EMP2: variants seen among roughly 807,000 people sequenced by gnomAD.
EMP2 encodes epithelial membrane protein 2.
EMP2 carries 19 observed loss-of-function variants against 13.7 expected under a neutral mutation model. The observed-to-expected ratio is 1.38, with a 90% CI of 0.97 to 2.03. EMP2 has a LOEUF of 2.03. Among genes scored for constraint, EMP2 ranks in the 30% most tolerant of loss-of-function variants. The probability of loss-of-function intolerance (pLI) is 0.00; values close to 1 mark genes in which losing one functional copy is unlikely to be tolerated. For synonymous variants in EMP2, 97 were observed against 84.7 expected (o/e 1.15, Z -0.80); for missense variants, 253 against 220.7 (o/e 1.15, Z -0.93).
intron 1 of EMP2, among the ~76,000 whole-genome samples, chr16:10,563,932 G>A (rs2050890043): frequency 6.6e-6 from 1 of 152,234 alleles, no homozygotes. Context: ...CACCCAGGAG[G>A]GTTCTTGGCT....
intron 1 of EMP2, among the ~76,000 whole-genome samples, chr16:10,563,437 C>G (rs34518267): frequency 6.6e-6 from 1 of 152,152 alleles, no homozygotes; most frequent in Non-Finnish European, 1.5e-5. Flanking sequence ...AATGATCCAC[C>G]TGCCTTGGTC....
chr16:10,547,247 T>C lies in EMP2; in HGVS notation c.78+293A>G, dbSNP rs554923650. On this transcript the variant is annotated intron_variant, in intron 2 of 4. Coordinates refer to ENST00000359543, the MANE Select transcript of EMP2 (RefSeq NM_001424.6). ...TCATGGGAGCAAGTTTATCCCATAC[T>C]GTTCTTGTGGTAGTGAATAAGTCTC... 1.0e-4 allele frequency: 30 copies of C among 289,324 alleles called. No individual in the cohort carries two copies. The South Asian group carries it at 2.1e-3, about 20-fold the overall frequency. The allele number at this position is 289,324 out of a possible 1,614,324, so 17.9% of individuals were successfully genotyped here.
At chr16:10,546,701 T>A (rs2050742074) in intron 2 of EMP2, 1 of 152,234 alleles carries the variant, frequency 6.6e-6, no homozygotes, top group Admixed American at 6.5e-5. Context: ...TGTCTGAAGA[T>A]ATTTTGGATT....
intron 1 of EMP2, among the ~76,000 whole-genome samples, chr16:10,578,535 C>A (rs988030284): frequency 6.6e-6 from 1 of 152,178 alleles, no homozygotes; most frequent in Admixed American, 6.5e-5. Context: ...CCAGCCAGAG[C>A]GGGTGCACCC....
intron 1 of EMP2, among the ~76,000 whole-genome samples, chr16:10,548,424 C>T (rs1366709737): frequency 2.0e-5 from 3 of 152,214 alleles, no homozygotes; most frequent in Non-Finnish European, 2.9e-5. Flanking sequence ...GGCATGGTGG[C>T]TCACGCCTGT....
chr16:10,540,507 A>AAAATAAATAAATAAATAAATAAATAAAT (rs112860854), intron 3 of EMP2, among the ~76,000 whole-genome samples: 14 of 147,398 alleles, frequency 9.5e-5, no homozygotes, highest in South Asian at 4.4e-4. Context: ...CTCTGTCTCA[A>AAAATAAATAAATAAATAAATAAATAAAT]AAATAAATAA....
intron 1 of EMP2, among the ~76,000 whole-genome samples, chr16:10,577,514 C>CA (rs1256433286): frequency 6.6e-6 from 1 of 152,198 alleles, no homozygotes; most frequent in Non-Finnish European, 1.5e-5. Flanking sequence ...AGCCAGGCTT[C>CA]ACCACTCCTG....
At chr16:10,562,445 G>C (rs2050879477) in intron 1 of EMP2, among the ~76,000 whole-genome samples, 1 of 149,522 alleles carries the variant, frequency 6.7e-6, no homozygotes, top group South Asian at 2.1e-4. Context: ...GCCCAGGCTG[G>C]CTTGCTGGAA....
chr16:10,538,567 C>T (rs1413723241), intron 3 of EMP2, among the ~76,000 whole-genome samples: 2 of 152,136 alleles, frequency 1.3e-5, no homozygotes, highest in East Asian at 3.9e-4. Context: ...GGCTGATCTT[C>T]ACGGTCACTA....
chr16:10,541,606 C>A (rs973939383), intron 3 of EMP2, among the ~76,000 whole-genome samples: 3 of 152,182 alleles, frequency 2.0e-5, no homozygotes, highest in African/African-American at 7.2e-5. Context: ...TGGCCTTGCA[C>A]ACTGGCGACA....
At chr16:10,579,881 A>G (rs1434154697) in intron 1 of EMP2, among the ~76,000 whole-genome samples, 2 of 152,058 alleles carry the variant, frequency 1.3e-5, no homozygotes, top group African/African-American at 4.8e-5. Flanking sequence ...GCGTGCTCAG[A>G]TCTCTGGATT....
In EMP2 at chr16:10,531,202, G is replaced by A. The variant is rs2050598344; in HGVS notation, c.*1703C>T. 6.6e-6 allele frequency: 1 copy of A among 152,190 alleles called. No individual in the cohort carries two copies. Among genetic ancestry groups the A allele is most frequent in the Non-Finnish European group, 1.5e-5 (1 of 68,090 alleles). 9.4% of individuals were successfully genotyped at this position (152,190 alleles called of 1,614,324 possible). A position where few individuals can be genotyped will look rare whatever the true frequency, so the allele number is the denominator to read the frequency against. The stretch of plus-strand genomic sequence containing the variant: ...TTGGCCAGGCTGGTCTTGAACTCCT[G>A]ACCTTGTGATCCACCTGCCTCAGCC... On this transcript the variant is annotated 3_prime_UTR_variant, in exon 5 of 5. Transcript: ENST00000359543.
At chr16:10,550,812 T>C (rs1025161074) in intron 1 of EMP2, among the ~76,000 whole-genome samples, 1 of 152,032 alleles carries the variant, frequency 6.6e-6, no homozygotes, top group South Asian at 2.1e-4. Flanking sequence ...CTGTCTCTAC[T>C]AAAAACACAA....
intron 1 of EMP2, among the ~76,000 whole-genome samples, chr16:10,570,549 C>G (rs2050940049): frequency 6.6e-6 from 1 of 152,120 alleles, no homozygotes; most frequent in Non-Finnish European, 1.5e-5. Context: ...AGGCATGTGC[C>G]ACCACACCTG....
chr16:10,557,744 T>G (rs192163080), intron 1 of EMP2, among the ~76,000 whole-genome samples: 113 of 152,202 alleles, frequency 7.4e-4, no homozygotes, highest in African/African-American at 2.7e-3. Flanking sequence ...CCCCATTCTG[T>G]GAAATACCCA....
At chr16:10,567,679 C>T (rs1209066937) in intron 1 of EMP2, among the ~76,000 whole-genome samples, 2 of 152,148 alleles carry the variant, frequency 1.3e-5, no homozygotes, top group Non-Finnish European at 2.9e-5. Context: ...GAGGAAAAGG[C>T]AAAGTGGAGA....
chr16:10,565,039 G>T (rs7202236), intron 1 of EMP2, among the ~76,000 whole-genome samples: 15,882 of 152,202 alleles, frequency 0.1, 1,420 homozygotes, highest in African/African-American at 0.24. Flanking sequence ...CTGCTCAAAA[G>T]CTCCAAGTCC....
chr16:10,561,157 C>T (rs943894729), intron 1 of EMP2, among the ~76,000 whole-genome samples: 1 of 151,970 alleles, frequency 6.6e-6, no homozygotes. Context: ...AGCAACAGGA[C>T]TTGATGATGG....
chr16:10,554,672 T>C (rs1157653516), intron 1 of EMP2, among the ~76,000 whole-genome samples: 1 of 152,122 alleles, frequency 6.6e-6, no homozygotes, highest in Non-Finnish European at 1.5e-5. Context: ...TACAGATCCA[T>C]CTCCTTCCCC....
Sources: allele counts gnomAD v4.1 joint callset (sites outside exome capture counted in the v4.1 genomes callset), GRCh38; gene constraint gnomAD v4.1.1; transcripts MANE v1.5; gene names NCBI Gene and HGNC (gene_info 2026-07-23, HGNC 2026-07-21).